The following SLC7A7 variants were observed in gnomAD, a reference collection of about 807,000 sequenced individuals.
The protein encoded by SLC7A7 is solute carrier family 7 member 7.
SLC7A7 carries 39 observed loss-of-function variants against 47.9 expected under a neutral mutation model. The ratio of observed to expected loss-of-function variants is 0.81; its 90% CI spans 0.63 to 1.06. The LOEUF is 1.06. Among genes scored for constraint, SLC7A7 ranks in the 50% least tolerant of loss-of-function variants. The pLI is 0.00. For synonymous variants in SLC7A7, 234 were observed against 242.8 expected (o/e 0.96, Z 0.34); for missense variants, 588 against 632.0 (o/e 0.93, Z 0.75).
intron 2 of SLC7A7, among the ~76,000 whole-genome samples, chr14:22,788,550 A>AC (rs1269755287): frequency 6.6e-6 from 1 of 151,950 alleles, no homozygotes; most frequent in African/African-American, 2.4e-5. Context: ...CTAAAAATAC[A>AC]AAAATTAGCT....
rs796253465 is a variant in SLC7A7 at position 22,785,154 on chromosome 14, C to T, written c.500-5103G>A. ...ATTAGCTGAGTGTGGTGGCGCATGC[C>T]TGTAATCCCAGCTACTTGGAGGCAG... On this transcript the variant is annotated intron_variant, in intron 2 of 9. Transcript: ENST00000674313. Among the ~76,000 whole-genome samples, 9 of 152,252 alleles carry T rather than the reference C, an allele frequency of 5.9e-5. 1 individual carries two copies. Among genetic ancestry groups the T allele is most frequent in the African/African-American group, 2.2e-4 (9 of 41,566 alleles).
chr14:22,803,423 A>G (rs1457299384), intron 2 of SLC7A7, among the ~76,000 whole-genome samples: 1 of 152,206 alleles, frequency 6.6e-6, no homozygotes, highest in Non-Finnish European at 1.5e-5. Flanking sequence ...ATCTCAAAAA[A>G]AAAGAAAAAG....
intron 2 of SLC7A7, among the ~76,000 whole-genome samples, chr14:22,788,791 A>C (rs1566449542): frequency 1.3e-5 from 2 of 152,152 alleles, no homozygotes; most frequent in Non-Finnish European, 2.9e-5. Flanking sequence ...CCAGATGCAA[A>C]AGTGTACATA....
intron 2 of SLC7A7, among the ~76,000 whole-genome samples, chr14:22,800,652 A>AG (rs1442408286): frequency 6.7e-6 from 1 of 149,318 alleles, no homozygotes; most frequent in African/African-American, 2.5e-5. Context: ...TTGATAAAGA[A>AG]GGCCGGGTGC....
Position 22,773,289 on chromosome 14 carries a change from G to T in SLC7A7, c.*321C>A. 2.1e-6 allele frequency: 1 copy of T among 483,444 alleles called. No homozygotes were observed. Among genetic ancestry groups the T allele is most frequent in the Non-Finnish European group, 4.0e-6 (1 of 248,176 alleles). 29.9% of individuals were successfully genotyped at this position (483,444 alleles called of 1,614,324 possible). On this transcript the variant is annotated 3_prime_UTR_variant, in exon 10 of 10. Coordinates refer to ENST00000674313, the MANE Select transcript of SLC7A7 (RefSeq NM_003982.4). ...GTTTCATGTCTCTCTAAAGGAGACA[G>T]GAAATTGGAGCATTGTGGGCCCTTT...
chr14:22,794,691 C>T (rs2038981111), intron 2 of SLC7A7, among the ~76,000 whole-genome samples: 1 of 152,172 alleles, frequency 6.6e-6, no homozygotes, highest in Admixed American at 6.5e-5. Flanking sequence ...GAAATAACCA[C>T]ACACAGAGCA....
intron 2 of SLC7A7, among the ~76,000 whole-genome samples, chr14:22,803,472 C>T (rs55991936): frequency 3.3e-5 from 5 of 152,084 alleles, no homozygotes; most frequent in Admixed American, 6.5e-5. Context: ...ATTTTAGATA[C>T]GATAGGTCTC....
At chr14:22,808,380 G>A (rs1175020100) in intron 2 of SLC7A7, among the ~76,000 whole-genome samples, 2 of 152,174 alleles carry the variant, frequency 1.3e-5, no homozygotes, top group Non-Finnish European at 2.9e-5. Flanking sequence ...TTTTCTAAGG[G>A]AGGGAATGTA....
chr14:22,804,192 A>T (rs1226192300), intron 2 of SLC7A7, among the ~76,000 whole-genome samples: 1 of 152,174 alleles, frequency 6.6e-6, no homozygotes, highest in Admixed American at 6.6e-5. Context: ...ATCTTATACA[A>T]AAATTAACTC....
Position 22,778,656 on chromosome 14 carries a change from C to T in SLC7A7, c.770+137G>A, listed in dbSNP as rs1371216488. 4.7e-6 allele frequency: 4 copies of T among 847,756 alleles called. No individual in the cohort carries two copies. In the South Asian group the frequency reaches 7.2e-5, roughly 15 times the overall value. The allele number at this position is 847,756 out of a possible 1,614,324, so 52.5% of individuals were successfully genotyped here. The stretch of plus-strand genomic sequence containing the variant: ...ATCATAGACAAGTTACTTCTCTGAG[C>T]CTCAGGCCTCCCATCTATTAAAATG... On this transcript the variant is annotated intron_variant, in intron 4 of 9. Coordinates refer to ENST00000674313, the MANE Select transcript of SLC7A7 (RefSeq NM_003982.4).
In SLC7A7 at chr14:22,799,032, G is replaced by A. The variant is rs139276300; in HGVS notation, c.499+13868C>T. 4.1e-3 allele frequency among the ~76,000 whole-genome samples: 629 copies of A among 152,240 alleles called. 3 individuals are homozygous for A. The highest frequency in any genetic ancestry group is 9.1e-3 in the South Asian group (44 of 4,828). On this transcript the variant is annotated intron_variant, in intron 2 of 9. Coordinates refer to ENST00000674313, the MANE Select transcript of SLC7A7 (RefSeq NM_003982.4). ...GGCATAGTCCTGAACTAGACACACA[G>A]TAACACTTAATACATTTTGCTGGGT...
At position 22,778,859 on chromosome 14, in the gene SLC7A7, G is replaced by C. The variant is rs755663586; in HGVS notation, c.704C>G (p.Ala235Gly). 5.6e-6 allele frequency: 9 copies of C among 1,614,210 alleles called. No individual in the cohort carries two copies. The highest frequency in any genetic ancestry group is 1.7e-6 in the Non-Finnish European group (2 of 1,180,040). The change falls in exon 4 of 10, where the codon GCT becomes GGT. Residue 235 changes from alanine to glycine, a missense_variant. Transcript: ENST00000674313. ...GTCCCAGCCTGAGTAGGAGAACAGA[G>C]CTGAGTACAGTGCCAGGGCAATGTC... The part of the protein sequence containing the change: ...VGDIALALYS[A>G]LFSYSGWDTL...
At chr14:22,779,023 G>A in intron 3 of SLC7A7, 86 bp from the exon 4 acceptor site, 1 of 1,552,160 alleles carries the variant, frequency 6.4e-7, no homozygotes, top group Non-Finnish European at 8.8e-7. Context: ...GACAGAATAT[G>A]GTAATATAAT....
At chr14:22,810,601 T>C (rs943609385) in intron 2 of SLC7A7, among the ~76,000 whole-genome samples, 3 of 152,146 alleles carry the variant, frequency 2.0e-5, no homozygotes, top group African/African-American at 7.2e-5. Flanking sequence ...CCAAGACCAA[T>C]AGATCCTAAA....
intron 4 of SLC7A7, among the ~76,000 whole-genome samples, chr14:22,777,676 T>C (rs1295876118): frequency 1.3e-5 from 2 of 152,236 alleles, no homozygotes; most frequent in Non-Finnish European, 2.9e-5. Context: ...TTCTGTTATC[T>C]CTGTTCCCAT....
intron 2 of SLC7A7, among the ~76,000 whole-genome samples, chr14:22,803,967 C>A (rs1227380524): frequency 3.3e-5 from 5 of 152,146 alleles, no homozygotes; most frequent in Non-Finnish European, 5.9e-5. Flanking sequence ...AAACTTTCTT[C>A]TTTTGTTCCA....
At chr14:22,801,779 A>T (rs769351705) in intron 2 of SLC7A7, among the ~76,000 whole-genome samples, 93 of 152,102 alleles carry the variant, frequency 6.1e-4, no homozygotes, top group Non-Finnish European at 1.9e-4. Flanking sequence ...GTCTCAAAAA[A>T]ACAAAACAAA....
intron 4 of SLC7A7, among the ~76,000 whole-genome samples, chr14:22,776,739 G>A (rs1327260455): frequency 2.0e-5 from 3 of 151,870 alleles, no homozygotes; most frequent in African/African-American, 4.8e-5. Flanking sequence ...AGGCCGAGCC[G>A]GGTGGATCAC....
At chr14:22,785,726 C>CAA (rs748719657) in intron 2 of SLC7A7, among the ~76,000 whole-genome samples, 629 of 52,884 alleles carry the variant, frequency 0.012, 8 homozygotes, top group African/African-American at 0.04. Context: ...AACTCCATCT[C>CAA]AAAAAAAAAA....
Sources: allele counts gnomAD v4.1 joint callset (sites outside exome capture counted in the v4.1 genomes callset), GRCh38; gene constraint gnomAD v4.1.1; transcripts MANE v1.5; gene names NCBI Gene and HGNC (gene_info 2026-07-23, HGNC 2026-07-21).